Variants in SLC35F4 observed in about 807,000 individuals in gnomAD.
SLC35F4 encodes chromosome 14 open reading frame 36.
Under a neutral mutation model 44.2 loss-of-function variants are expected in SLC35F4, and 24 were observed. The ratio of observed to expected loss-of-function variants is 0.54; its 90% confidence interval spans 0.39 to 0.76. The LOEUF (loss-of-function observed/expected upper bound fraction) is 0.76, where lower values mean the gene tolerates loss of function less well. Among genes scored for constraint, SLC35F4 ranks in the 30% least tolerant of loss-of-function variants. The probability of loss-of-function intolerance (pLI) is 0.00; values close to 1 mark genes in which losing one functional copy is unlikely to be tolerated. For synonymous variants in SLC35F4, 238 were observed against 223.6 expected, an observed-to-expected ratio of 1.06 and a Z score of -0.57; for missense variants, 562 against 586.1, an observed-to-expected ratio of 0.96 and a Z score of 0.42.
chr14:57,926,678 T>C (rs567742577), intron 1 of SLC35F4, among the ~76,000 whole-genome samples: 1 of 142,590 alleles, frequency 7.0e-6, no homozygotes, highest in African/African-American at 2.5e-5. Context: ...GGGGAAGATA[T>C]CTTTACCATT....
chr14:57,586,589 G>T (rs2069738466), intron 3 of SLC35F4, among the ~76,000 whole-genome samples: 1 of 151,314 alleles, frequency 6.6e-6, no homozygotes, highest in Admixed American at 6.6e-5. Context: ...GTGGTGGCGG[G>T]TGCCTGTAGT....
intron 1 of SLC35F4, among the ~76,000 whole-genome samples, chr14:57,749,923 A>G (rs1418962911): frequency 1.3e-5 from 2 of 152,198 alleles, no homozygotes; most frequent in Non-Finnish European, 2.9e-5. Context: ...ATATACATTT[A>G]TGGGATATAA....
At chr14:57,582,892 A>G (rs776203254) in intron 3 of SLC35F4, among the ~76,000 whole-genome samples, 5 of 152,224 alleles carry the variant, frequency 3.3e-5, no homozygotes, top group Non-Finnish European at 5.9e-5. Flanking sequence ...AATTAGGCAC[A>G]GGGAGTATAG....
At chr14:57,642,150 G>T (rs1208453659) in intron 1 of SLC35F4, among the ~76,000 whole-genome samples, 2 of 151,880 alleles carry the variant, frequency 1.3e-5, no homozygotes, top group African/African-American at 2.4e-5. Flanking sequence ...TAGCAATAAG[G>T]CCACGTGCTA....
At chr14:57,926,072 A>G (rs893049423) in intron 1 of SLC35F4, among the ~76,000 whole-genome samples, 9 of 152,230 alleles carry the variant, frequency 5.9e-5, no homozygotes, top group African/African-American at 1.9e-4. Flanking sequence ...GTGTAAAATG[A>G]GAGTGGTTCA....
chr14:57,592,576 A>G (rs112168451), intron 2 of SLC35F4, among the ~76,000 whole-genome samples: 3,373 of 152,312 alleles, frequency 0.022, 95 homozygotes, highest in African/African-American at 0.06. Flanking sequence ...CAACTGGGGT[A>G]ATAGGAATAT....
chr14:57,566,355 A>G, intron 7 of SLC35F4, 120 bp downstream of exon 7: 1 of 920,432 alleles, frequency 1.1e-6, no homozygotes, highest in Non-Finnish European at 1.6e-6. Flanking sequence ...ATTTAAAAAC[A>G]TCTTCCCAGG....
upstream of SLC35F4, among the ~76,000 whole-genome samples, chr14:57,868,006 C>G (rs919780146): frequency 2.6e-5 from 4 of 151,998 alleles, no homozygotes; most frequent in African/African-American, 9.7e-5. Context: ...TAACAATTAC[C>G]GTGTAAGTCA....
intron 1 of SLC35F4, among the ~76,000 whole-genome samples, chr14:57,698,759 T>A (rs2075452889): frequency 6.6e-6 from 1 of 151,910 alleles, no homozygotes; most frequent in South Asian, 2.1e-4. Context: ...TGCCTCAGCC[T>A]CTAAAGTAGC....
In SLC35F4 at chr14:57,926,452, C is replaced by T. The variant is rs138673482; in HGVS notation, n.282+55461G>A. On this transcript the variant is annotated intron_variant and non_coding_transcript_variant, in intron 1 of 1. Transcript: ENST00000556568. Reference sequence around the variant, plus strand: ...ACATTCACACAGACTTTTCCCACTTCCAACTGGTGCTAGTTGAAACTTATG... The same window carrying T: ...ACATTCACACAGACTTTTCCCACTTTCAACTGGTGCTAGTTGAAACTTATG... Among the ~76,000 whole-genome samples the T allele has an allele frequency of 7.6e-4, 115 of 152,276 alleles. 1 individual carries two copies. The highest frequency in any genetic ancestry group is 1.8e-3 in the Admixed American group (28 of 15,300).
intron 1 of SLC35F4, among the ~76,000 whole-genome samples, chr14:57,727,396 T>C (rs2076231477): frequency 6.6e-6 from 1 of 152,072 alleles, no homozygotes. Context: ...TCATTTCAAA[T>C]TCACTTATTT....
chr14:57,669,703 C>G (rs2074447789), intron 1 of SLC35F4, among the ~76,000 whole-genome samples: 1 of 152,124 alleles, frequency 6.6e-6, no homozygotes. Context: ...GGTGGATAAG[C>G]TTTTTGATGT....
chr14:57,641,688 G>A (rs754394890), intron 1 of SLC35F4, among the ~76,000 whole-genome samples: 1 of 151,882 alleles, frequency 6.6e-6, no homozygotes, highest in Non-Finnish European at 1.5e-5. Context: ...AGAGTAAAAG[G>A]AAACAAAATT....
At chr14:57,864,262 G>C (rs1887933116) in intron 1 of SLC35F4, among the ~76,000 whole-genome samples, 1 of 152,134 alleles carries the variant, frequency 6.6e-6, no homozygotes, top group Admixed American at 6.5e-5. Context: ...GGTTAAAAAA[G>C]AAATCCTTTG....
At chr14:57,699,183 G>A (rs2075465351) in intron 1 of SLC35F4, among the ~76,000 whole-genome samples, 1 of 152,150 alleles carries the variant, frequency 6.6e-6, no homozygotes, top group South Asian at 2.1e-4. Context: ...AAAGAAGAAT[G>A]TTGTTTCCAA....
intron 1 of SLC35F4, among the ~76,000 whole-genome samples, chr14:57,758,092 A>G (rs2077039732): frequency 6.7e-6 from 1 of 150,002 alleles, no homozygotes; most frequent in African/African-American, 2.5e-5. Context: ...CACTTGCATT[A>G]TTTCTGGTGA....
intron 1 of SLC35F4, among the ~76,000 whole-genome samples, chr14:57,599,554 A>G (rs2070689512): frequency 6.6e-6 from 1 of 152,092 alleles, no homozygotes; most frequent in African/African-American, 2.4e-5. Context: ...GATTAGAAGA[A>G]TCTGGGGCCG....
intron 1 of SLC35F4, among the ~76,000 whole-genome samples, chr14:57,804,760 G>A (rs556226210): frequency 5.3e-4 from 80 of 152,200 alleles, no homozygotes; most frequent in Non-Finnish European, 1.0e-3. Flanking sequence ...AAAAGCAAAA[G>A]TTGACAAATG....
At chr14:57,734,458 C>T (rs959589272) in intron 1 of SLC35F4, among the ~76,000 whole-genome samples, 6 of 152,124 alleles carry the variant, frequency 3.9e-5, no homozygotes, top group East Asian at 1.9e-4. Context: ...GTCACATACA[C>T]GTATAATTTT....
Sources: allele counts gnomAD v4.1 joint callset (sites outside exome capture counted in the v4.1 genomes callset), GRCh38; gene constraint gnomAD v4.1.1; transcripts MANE v1.5; gene names NCBI Gene and HGNC (gene_info 2026-07-23, HGNC 2026-07-21).